Variants in CCDC92B observed in about 807,000 individuals in gnomAD.
CCDC92B encodes the protein coiled-coil domain containing 92B, also known as coiled-coil domain-containing 92B.
CCDC92B carries 2 observed loss-of-function variants against 5.6 expected under a neutral mutation model. That is an observed-to-expected ratio of 0.36 (90% CI 0.15 to 1.12). The LOEUF (loss-of-function observed/expected upper bound fraction) is 1.12, where lower values mean the gene tolerates loss of function less well. Ranked by LOEUF, CCDC92B falls within the 50% of genes most tolerant of loss-of-function variation. The probability of loss-of-function intolerance (pLI) is 0.40; values close to 1 mark genes in which losing one functional copy is unlikely to be tolerated. For missense variants in CCDC92B, 271 were observed against 262.2 expected, an observed-to-expected ratio of 1.03 and a Z score of -0.23; for synonymous variants, 115 against 122.3, an observed-to-expected ratio of 0.94 and a Z score of 0.39.
At position 2,728,601 on chromosome 17, in the gene CCDC92B, T is replaced by C. The variant is rs1224024472; in HGVS notation, c.178+1845A>G. On this transcript the variant is annotated intron_variant, in intron 3 of 3. Transcript: ENST00000614400. ...CTGGGCGACAGAGCGAGACTCCGTC[T>C]CAAAAAAAAAAAACAAAAAAAACAA... is the stretch of plus-strand genomic sequence containing the variant. Among the ~76,000 whole-genome samples, 5 of 84,902 alleles carry C rather than the reference T, an allele frequency of 5.9e-5. No individual in the cohort carries two copies. The East Asian group carries it at 1.4e-3, about 24-fold the overall frequency. 55.7% of individuals were successfully genotyped at this position (84,902 alleles called of 152,430 possible).
intron 1 of CCDC92B, among the ~76,000 whole-genome samples, chr17:2,738,577 G>A (rs908430782): frequency 6.8e-5 from 10 of 146,842 alleles, no homozygotes; most frequent in African/African-American, 2.0e-4. Flanking sequence ...TCGAGACCAC[G>A]GTGAAACCCC....
chr17:2,725,177 C>T (rs1319449957), intron 3 of CCDC92B, among the ~76,000 whole-genome samples, 177 bp from the exon 4 acceptor site: 2 of 152,058 alleles, frequency 1.3e-5, no homozygotes, highest in Non-Finnish European at 2.9e-5. Context: ...AGTTCGAGAC[C>T]AGCCTGGCCA....
At chr17:2,730,673 A>C (rs2151739205) in intron 2 of CCDC92B, among the ~76,000 whole-genome samples, 180 bp from the exon 3 acceptor site, 1 of 152,178 alleles carries the variant, frequency 6.6e-6, no homozygotes, top group Admixed American at 6.5e-5. Context: ...CAAGGGAAAG[A>C]GATGAAGAGA....
In CCDC92B at chr17:2,724,967, C is replaced by CGGCACTTGCTCTCCA; in HGVS notation, c.197_211dup (p.Leu66_Cys70dup). 2 of 985,492 alleles carry CGGCACTTGCTCTCCA rather than the reference C, an allele frequency of 2.0e-6. No homozygotes were observed. Among genetic ancestry groups the CGGCACTTGCTCTCCA allele is most frequent in the South Asian group, 9.4e-5 (2 of 21,286 alleles). 61.0% of individuals were successfully genotyped at this position (985,492 alleles called of 1,614,324 possible). A position where few individuals can be genotyped will look rare whatever the true frequency, so the allele number is the denominator to read the frequency against. ...CGCCTCCAGCTGCGACTCCAGCGCG[C>CGGCACTTGCTCTCCA]GGCACTTGCTCTCCAGCTCCCGGGA... On this transcript the variant is annotated inframe_insertion, in exon 4 of 4. Coordinates refer to ENST00000614400, the MANE Select transcript of CCDC92B (RefSeq NM_001355573.2). This position sits in a 1 kb window ranked among gnomAD's most constrained non-coding sequence, Gnocchi z 5.0.
chr17:2,737,544 G>C (rs1474230265), intron 1 of CCDC92B, among the ~76,000 whole-genome samples: 3 of 140,100 alleles, frequency 2.1e-5, no homozygotes, highest in Admixed American at 7.8e-5. Flanking sequence ...GCACGATCTC[G>C]GCTCACTGCA....
At chr17:2,728,611 AAAAC>A (rs2070762903) in intron 3 of CCDC92B, among the ~76,000 whole-genome samples, 1 of 152,010 alleles carries the variant, frequency 6.6e-6, no homozygotes, top group South Asian at 2.1e-4. Flanking sequence ...TCAAAAAAAA[AAAAC>A]AAAAAAAACA....
In CCDC92B at chr17:2,724,060, C is replaced by T; in HGVS notation, c.*351G>A. ...GTAGGCGAGCCCAGCCCTCCCCACC[C>T]CACCAAGGATTGTCGGCTTTCCCGG... On this transcript the variant is annotated 3_prime_UTR_variant, in exon 4 of 4. Transcript: ENST00000614400. The surrounding 1 kb of genome is among the most constrained non-coding windows in gnomAD (Gnocchi z 5.0). 1 of 985,278 alleles carries T rather than the reference C, an allele frequency of 1.0e-6. No homozygotes were observed. The highest frequency in any genetic ancestry group is 1.2e-6 in the Non-Finnish European group (1 of 829,850). The allele number at this position is 985,278 out of a possible 1,614,324, so 61.0% of individuals were successfully genotyped here.
At chr17:2,733,362 C>T (rs57427222) in intron 2 of CCDC92B, among the ~76,000 whole-genome samples, 5,485 of 151,366 alleles carry the variant, frequency 0.036, 317 homozygotes, top group African/African-American at 0.12. Context: ...CAGGTTCAAG[C>T]GATTCTCCTG....
At chr17:2,738,059 G>T (rs1197067916) in intron 1 of CCDC92B, among the ~76,000 whole-genome samples, 1 of 151,638 alleles carries the variant, frequency 6.6e-6, no homozygotes, top group Non-Finnish European at 1.5e-5. Context: ...ACTGGGAACA[G>T]TCCTAGGTTT....
At position 2,724,192 on chromosome 17, in the gene CCDC92B, G is replaced by GGAGGAACTCTCGCGC; in HGVS notation, c.*204_*218dup. 1 of 985,414 alleles carries GGAGGAACTCTCGCGC rather than the reference G, an allele frequency of 1.0e-6. No individual in the cohort carries two copies. Among genetic ancestry groups the GGAGGAACTCTCGCGC allele is most frequent in the African/African-American group, 1.7e-5 (1 of 57,362 alleles). 61.0% of individuals were successfully genotyped at this position (985,414 alleles called of 1,614,324 possible). ...AGAAGGTGCCCCCGCTCGGCCCCGC[G>GGAGGAACTCTCGCGC]GAGGAACTCTCGCGCGAGGAGAGGG... On this transcript the variant is annotated 3_prime_UTR_variant, in exon 4 of 4. Coordinates refer to ENST00000614400, the MANE Select transcript of CCDC92B (RefSeq NM_001355573.2). The surrounding 1 kb of genome is among the most constrained non-coding windows in gnomAD (Gnocchi z 5.0).
At position 2,722,102 on chromosome 17, in the gene CCDC92B, C is replaced by T. The variant is rs1271839446; in HGVS notation, c.*2309G>A. 6.6e-6 allele frequency: 1 copy of T among 152,074 alleles called. No homozygotes were observed. Among genetic ancestry groups the T allele is most frequent in the Non-Finnish European group, 1.5e-5 (1 of 68,042 alleles). 9.4% of individuals were successfully genotyped at this position (152,074 alleles called of 1,614,324 possible). On this transcript the variant is annotated 3_prime_UTR_variant, in exon 4 of 4. Transcript: ENST00000614400. ...CAGAAGAATCGACCTAACAAAGTCA[C>T]CCTGTTCACCCCAAAAGTGTGGTCG... is the stretch of plus-strand genomic sequence containing the variant.
At chr17:2,744,908 A>C (rs916784718) in intron 1 of CCDC92B, among the ~76,000 whole-genome samples, 1 of 151,782 alleles carries the variant, frequency 6.6e-6, no homozygotes, top group Non-Finnish European at 1.5e-5. Context: ...GTCTCTACTA[A>C]AGATACAAAA....
intron 3 of CCDC92B, among the ~76,000 whole-genome samples, chr17:2,727,301 G>A (rs1002093436): frequency 1.3e-5 from 2 of 152,184 alleles, no homozygotes; most frequent in South Asian, 2.1e-4. Context: ...TTTCCTGGGC[G>A]CTATGAAAGA....
At chr17:2,747,399 A>G (rs2070999415) in intron 1 of CCDC92B, among the ~76,000 whole-genome samples, 2 of 152,160 alleles carry the variant, frequency 1.3e-5, no homozygotes, top group African/African-American at 4.8e-5. Context: ...GCGCGGGTAT[A>G]TTAGATAGGA....
chr17:2,748,246 T>C (rs2151746942), intron 1 of CCDC92B: 2 of 775,214 alleles, frequency 2.6e-6, no homozygotes, highest in East Asian at 5.4e-5. Context: ...ATATCCACCC[T>C]ATCTCTGCCT....
intron 2 of CCDC92B, among the ~76,000 whole-genome samples, chr17:2,732,748 T>C (rs574466641): frequency 1.4e-5 from 2 of 146,640 alleles, no homozygotes; most frequent in South Asian, 4.3e-4. Flanking sequence ...GCACGGTGGC[T>C]CACGCCTGTA....
intron 1 of CCDC92B, among the ~76,000 whole-genome samples, chr17:2,735,379 T>G (rs1258570351): frequency 6.6e-6 from 1 of 152,196 alleles, no homozygotes; most frequent in Non-Finnish European, 1.5e-5. Flanking sequence ...ATTTAACACA[T>G]GGAGAACCAG....
intron 1 of CCDC92B, among the ~76,000 whole-genome samples, chr17:2,735,542 T>C (rs566484765): frequency 1.3e-5 from 2 of 152,194 alleles, no homozygotes; most frequent in Non-Finnish European, 2.9e-5. Context: ...GCAATTCTCC[T>C]TCCTCAGCCT....
intron 1 of CCDC92B, among the ~76,000 whole-genome samples, chr17:2,740,881 G>A (rs1357956242): frequency 1.3e-5 from 2 of 148,894 alleles, no homozygotes; most frequent in Non-Finnish European, 3.0e-5. Context: ...TGGGAAGATG[G>A]CTTGGGCCCA....
Sources: allele counts gnomAD v4.1 joint callset (sites outside exome capture counted in the v4.1 genomes callset), GRCh38; gene constraint gnomAD v4.1.1; non-coding constraint Gnocchi (gnomAD v3.1); transcripts MANE v1.5; gene names NCBI Gene and HGNC (gene_info 2026-07-23, HGNC 2026-07-21).